Variants in CRYBG1 observed in about 807,000 individuals in gnomAD.
The protein encoded by CRYBG1 is crystallin beta-gamma domain containing 1.
A neutral mutation model predicts 189.2 loss-of-function variants in CRYBG1; 139 were observed. The observed-to-expected ratio is 0.73, with a 90% confidence interval of 0.64 to 0.85. The LOEUF (loss-of-function observed/expected upper bound fraction) is 0.85, where lower values mean the gene tolerates loss of function less well. Among genes scored for constraint, CRYBG1 ranks in the 40% least tolerant of loss-of-function variants. CRYBG1 has a pLI of 0.00. For missense variants in CRYBG1, 2,611 were observed against 2,675.8 expected, an observed-to-expected ratio of 0.98 and a Z score of 0.53; for synonymous variants, 1,023 against 1,017.1, an observed-to-expected ratio of 1.01 and a Z score of -0.11.
At chr6:106,478,098 G>T (rs181665038) in intron 2 of CRYBG1, among the ~76,000 whole-genome samples, 1 of 152,224 alleles carries the variant, frequency 6.6e-6, no homozygotes, top group African/African-American at 2.4e-5. Flanking sequence ...GCTAGGGGAG[G>T]GATGTTGGTT....
At chr6:106,540,304 C>T (rs965035909) in intron 9 of CRYBG1, among the ~76,000 whole-genome samples, 1 of 152,166 alleles carries the variant, frequency 6.6e-6, no homozygotes, top group African/African-American at 2.4e-5. Context: ...AGATGAGGCT[C>T]CCATTACAAA....
At chr6:106,558,434 T>C in intron 17 of CRYBG1, 52 bp from the exon 18 acceptor site, 1 of 1,423,806 alleles carries the variant, frequency 7.0e-7, no homozygotes, top group Admixed American at 2.2e-5. Flanking sequence ...TCACATAAGT[T>C]TGAATTATTA....
At chr6:106,518,986 CACACAT>C (rs758225219) in intron 3 of CRYBG1, 139 bp from the exon 4 acceptor site, 27,731 of 466,750 alleles carry the variant, frequency 0.059, 901 homozygotes, top group Non-Finnish European at 0.077. Context: ...CACACACACA[CACACAT>C]ACACACACAC....
At chr6:106,371,449 TC>T (rs1473166065) in intron 1 of CRYBG1, among the ~76,000 whole-genome samples, 1 of 152,210 alleles carries the variant, frequency 6.6e-6, no homozygotes, top group Non-Finnish European at 1.5e-5. Flanking sequence ...CTTGCTTCTT[TC>T]CCCACTGTTG....
chr6:106,501,653 C>A (rs566517771), intron 2 of CRYBG1, among the ~76,000 whole-genome samples: 1 of 152,276 alleles, frequency 6.6e-6, no homozygotes, highest in East Asian at 1.9e-4. Context: ...TTTCTCAGTA[C>A]CCTGTATGAT....
At position 106,541,609 on chromosome 6, in the gene CRYBG1, T is replaced by C; in HGVS notation, c.4869T>C (p.Pro1623=). 1 of 1,610,216 alleles carries C rather than the reference T, an allele frequency of 6.2e-7. No individual in the cohort carries two copies. Among genetic ancestry groups the C allele is most frequent in the Non-Finnish European group, 8.5e-7 (1 of 1,176,830 alleles). Residue 1623 remains proline (P), a synonymous_variant, in exon 10 of 22, where the codon CCT becomes CCC. Transcript: ENST00000633556. ...AGGGTGGCCGTAAAGTTGAATTCCC[T>C]ACAGATCCAAAGGTAAAAATATATA... ...LKMGGRKVEF[P]TDPKVVVYEK...
rs1424648357 is a variant in CRYBG1 at position 106,511,858 on chromosome 6, T to TGCC, written c.742_744dup (p.Ala248dup). The TGCC allele has an allele frequency of 5.0e-5, 76 of 1,514,844 alleles. No individual in the cohort carries two copies. Among genetic ancestry groups the TGCC allele is most frequent in the African/African-American group, 1.4e-4 (10 of 72,610 alleles). 93.8% of individuals were successfully genotyped at this position (1,514,844 alleles called of 1,614,324 possible). A position where few individuals can be genotyped will look rare whatever the true frequency, so the allele number is the denominator to read the frequency against. ...AGGCAGAGGGAGAGCCTTTCCCAGA[T>TGCC]GCCACCACCACTGCCAAGCAGCTGC... On this transcript the variant is annotated inframe_insertion, in exon 3 of 22. Transcript: ENST00000633556.
chr6:106,377,086 C>G (rs1770180498), intron 1 of CRYBG1, among the ~76,000 whole-genome samples: 1 of 152,048 alleles, frequency 6.6e-6, no homozygotes, highest in South Asian at 2.1e-4. Flanking sequence ...TTCCAGTTCT[C>G]TTGTCTTATT....
At chr6:106,393,077 A>G (rs1004041860) in intron 1 of CRYBG1, among the ~76,000 whole-genome samples, 1 of 152,168 alleles carries the variant, frequency 6.6e-6, no homozygotes, top group African/African-American at 2.4e-5. Flanking sequence ...ACCTGGTAAT[A>G]CAATTTTTAG....
At chr6:106,567,048 A>G (rs1431571260) in intron 21 of CRYBG1, among the ~76,000 whole-genome samples, 2 of 152,178 alleles carry the variant, frequency 1.3e-5, no homozygotes, top group South Asian at 2.1e-4. Context: ...GAATGAATCA[A>G]ATTATTTCTC....
rs1771861832 is a variant in CRYBG1, at chr6:106,361,219, G to A, written c.173+138G>A. 5.5e-6 allele frequency: 6 copies of A among 1,088,538 alleles called. No homozygotes were observed. In the East Asian group the frequency reaches 1.1e-4, roughly 21 times the overall value. 67.4% of individuals were successfully genotyped at this position (1,088,538 alleles called of 1,614,324 possible). ...TGTTTCAGTCCGCAGGAGGGTACCC[G>A]GGTCCGGAGGGGAGCGATCGTAGCC... On this transcript the variant is annotated intron_variant, in intron 1 of 21. Transcript: ENST00000633556.
At chr6:106,415,460 C>T (rs371284969) in intron 1 of CRYBG1, among the ~76,000 whole-genome samples, 4 of 152,174 alleles carry the variant, frequency 2.6e-5, no homozygotes, top group African/African-American at 9.6e-5. Context: ...TTAGTAGGCT[C>T]ATGCCTGTAA....
At chr6:106,560,052 C>A (rs531408964) in intron 18 of CRYBG1, among the ~76,000 whole-genome samples, 1 of 152,208 alleles carries the variant, frequency 6.6e-6, no homozygotes, top group East Asian at 1.9e-4. Context: ...TGTGATCGTG[C>A]CACTGCCCTT....
At chr6:106,458,956 C>T (rs1412775268) in intron 2 of CRYBG1, among the ~76,000 whole-genome samples, 3 of 152,260 alleles carry the variant, frequency 2.0e-5, no homozygotes, top group Non-Finnish European at 4.4e-5. Context: ...GGCTGGAGGA[C>T]GTTGCTTTGG....
At chr6:106,533,439 T>G (rs912325251) in intron 8 of CRYBG1, among the ~76,000 whole-genome samples, 1 of 152,230 alleles carries the variant, frequency 6.6e-6, no homozygotes, top group Admixed American at 6.5e-5. Context: ...GGCGAATTTT[T>G]ATCTAACTTG....
chr6:106,549,221 G>C (rs991525978), intron 13 of CRYBG1, among the ~76,000 whole-genome samples: 5 of 152,148 alleles, frequency 3.3e-5, no homozygotes, highest in Admixed American at 2.6e-4. Flanking sequence ...CTTTCATGCT[G>C]GGGGTAAAGC....
intron 2 of CRYBG1, among the ~76,000 whole-genome samples, chr6:106,488,988 C>G (rs971466478): frequency 6.6e-6 from 1 of 152,172 alleles, no homozygotes; most frequent in Non-Finnish European, 1.5e-5. Flanking sequence ...GCAAACGCAG[C>G]TGTTTAGACT....
In CRYBG1 at chr6:106,512,902, C is replaced by G. The variant is rs778208888; in HGVS notation, c.1785C>G (p.Phe595Leu). ...EHKRGPLPNH[F>L]NGRAEGGRSR... The stretch of plus-strand genomic sequence containing the variant: ...AGAGGGGCCCGCTCCCCAACCACTT[C>G]AACGGCCGGGCAGAGGGAGGTCGAA... The change falls in exon 3 of 22, where the codon TTC becomes TTG. Residue 595 changes from phenylalanine to leucine, a missense_variant. Transcript: ENST00000633556. The G allele has an allele frequency of 6.2e-7, 1 of 1,603,602 alleles. No individual in the cohort carries two copies. The highest frequency in any genetic ancestry group is 8.5e-7 in the Non-Finnish European group (1 of 1,175,268).
intron 21 of CRYBG1, among the ~76,000 whole-genome samples, chr6:106,564,989 AG>A (rs1179090979): frequency 1.6e-3 from 245 of 152,272 alleles, no homozygotes; most frequent in African/African-American, 5.8e-3. Context: ...TACTTTAATC[AG>A]GGATTTAGGC....
Sources: allele counts gnomAD v4.1 joint callset (sites outside exome capture counted in the v4.1 genomes callset), GRCh38; gene constraint gnomAD v4.1.1; transcripts MANE v1.5; gene names NCBI Gene and HGNC (gene_info 2026-07-23, HGNC 2026-07-21).